WNT2B: variants seen among roughly 807,000 people sequenced by gnomAD.
WNT2B encodes the protein Wnt family member 2B, also known as protein Wnt-2b.
WNT2B carries 19 observed loss-of-function variants against 40.5 expected under a neutral mutation model. The ratio of observed to expected loss-of-function variants is 0.47; its 90% CI spans 0.33 to 0.69. WNT2B has a LOEUF of 0.69. Among genes scored for constraint, WNT2B ranks in the 30% least tolerant of loss-of-function variants. The probability of loss-of-function intolerance (pLI) is 0.02; values close to 1 mark genes in which losing one functional copy is unlikely to be tolerated. For missense variants in WNT2B, 467 were observed against 556.4 expected (o/e 0.84, Z 1.62); for synonymous variants, 220 against 211.9 (o/e 1.04, Z -0.33).
chr1:112,526,232 C>G lies in WNT2B; in HGVS notation c.*5723C>G, dbSNP rs769506323. On this transcript the variant is annotated 3_prime_UTR_variant, in exon 5 of 5. Transcript: ENST00000369684. ...CTAGGCCCTCCTGAACCTTATCAAC[C>G]AATGGCTCTTTTGCCATTTCTGCCA... is the stretch of plus-strand genomic sequence containing the variant. The G allele has an allele frequency of 8.0e-6, 11 of 1,378,222 alleles. No homozygotes were observed. The highest frequency in any genetic ancestry group is 4.2e-5 in the Admixed American group (2 of 47,134). 85.4% of individuals were successfully genotyped at this position (1,378,222 alleles called of 1,614,324 possible).
At chr1:112,484,260 TATATATATACAC>T (rs1313948806) in intron 1 of WNT2B, among the ~76,000 whole-genome samples, 2 of 70,878 alleles carry the variant, frequency 2.8e-5, no homozygotes, top group Admixed American at 2.1e-4. Context: ...TATATACACA[TATATATATACAC>T]ATATATATAT....
chr1:112,497,638 C>T (rs1476126512), intron 1 of WNT2B, among the ~76,000 whole-genome samples: 4 of 152,210 alleles, frequency 2.6e-5, no homozygotes, highest in African/African-American at 7.2e-5. Context: ...TTGATGAATA[C>T]CACCTGACTT....
chr1:112,503,379 A>C (rs1358011905), intron 1 of WNT2B, among the ~76,000 whole-genome samples: 1 of 151,754 alleles, frequency 6.6e-6, no homozygotes, highest in African/African-American at 2.4e-5. Flanking sequence ...GGGGGAAAAA[A>C]CCCTCAGGTT....
rs1429250784 is a variant in WNT2B at position 112,524,773 on chromosome 1, T to G, written c.*4264T>G. On this transcript the variant is annotated 3_prime_UTR_variant, in exon 5 of 5. Coordinates refer to ENST00000369684, the MANE Select transcript of WNT2B (RefSeq NM_024494.3). ...GAGGTTACACACACACACACAGAGG[T>G]GTACATATACAGACACATAGAGAAC... 1.3e-5 allele frequency: 2 copies of G among 151,814 alleles called. No homozygotes were observed. The highest frequency in any genetic ancestry group is 4.8e-5 in the African/African-American group (2 of 41,272). 9.4% of individuals were successfully genotyped at this position (151,814 alleles called of 1,614,324 possible).
intron 1 of WNT2B, among the ~76,000 whole-genome samples, chr1:112,503,290 T>G (rs1167699704): frequency 1.3e-5 from 2 of 152,148 alleles, no homozygotes; most frequent in African/African-American, 2.4e-5. Context: ...TCTACCCTAC[T>G]TGTTTCACCA....
chr1:112,484,816 G>A (rs958076497), intron 1 of WNT2B, among the ~76,000 whole-genome samples: 4 of 151,400 alleles, frequency 2.6e-5, no homozygotes, highest in Non-Finnish European at 4.4e-5. Flanking sequence ...ATTTATAATA[G>A]CATCAAAAAT....
chr1:112,500,213 A>G (rs972512033), intron 1 of WNT2B, among the ~76,000 whole-genome samples: 14 of 152,318 alleles, frequency 9.2e-5, no homozygotes, highest in African/African-American at 2.4e-4. Flanking sequence ...TGAATGTACA[A>G]TGGAGCTTTC....
intron 1 of WNT2B, among the ~76,000 whole-genome samples, chr1:112,501,844 A>G (rs1282154589): frequency 6.6e-6 from 1 of 152,232 alleles, no homozygotes; most frequent in African/African-American, 2.4e-5. Context: ...TGGTCTGGAC[A>G]GAAGCAAAGT....
intron 1 of WNT2B, among the ~76,000 whole-genome samples, chr1:112,468,641 G>T (rs767610189): frequency 4.0e-5 from 6 of 151,572 alleles, no homozygotes; most frequent in Non-Finnish European, 7.4e-5. Flanking sequence ...ATTTTAATGG[G>T]ATTATTATTA....
In WNT2B at chr1:112,495,387, T is replaced by C. The variant is rs190196166; in HGVS notation, c.-94-19487T>C. Among the ~76,000 whole-genome samples the C allele has an allele frequency of 9.2e-4, 139 of 151,766 alleles. 1 individual carries two copies. The highest frequency in any genetic ancestry group is 1.5e-3 in the Non-Finnish European group (104 of 67,898). On this transcript the variant is annotated intron_variant, in intron 1 of 4. Coordinates refer to the WNT2B transcript ENST00000256640. Reference sequence around the variant, plus strand: ...GTCAGGAGATCGAGACCATCCTGGCTAACATGGTGAAACCCCCGTCTCTAC... The same window carrying C: ...GTCAGGAGATCGAGACCATCCTGGCCAACATGGTGAAACCCCCGTCTCTAC...
chr1:112,528,823 G>A lies in WNT2B; in HGVS notation c.*8314G>A, dbSNP rs1653883357. 6.6e-6 allele frequency: 1 copy of A among 152,166 alleles called. No individual in the cohort carries two copies. The allele number at this position is 152,166 out of a possible 1,614,324, so 9.4% of individuals were successfully genotyped here. A position where few individuals can be genotyped will look rare whatever the true frequency, so the allele number is the denominator to read the frequency against. Reference sequence around the variant, plus strand: ...GATTTATCGTATCTGAGGCCATAGTGAATAGAAGAGCTGCAAAAGAGCTTT... The same window carrying A: ...GATTTATCGTATCTGAGGCCATAGTAAATAGAAGAGCTGCAAAAGAGCTTT... On this transcript the variant is annotated 3_prime_UTR_variant, in exon 5 of 5. Transcript: ENST00000369684.
chr1:112,512,120 A>G (rs190630478), intron 1 of WNT2B, among the ~76,000 whole-genome samples: 1 of 152,300 alleles, frequency 6.6e-6, no homozygotes, highest in East Asian at 1.9e-4. Context: ...TGTCTTTAAC[A>G]TACAAACATA....
At chr1:112,517,536 T>C in intron 4 of WNT2B, 151 bp downstream of exon 4, 1 of 1,076,180 alleles carries the variant, frequency 9.3e-7, no homozygotes, top group Non-Finnish European at 1.3e-6. Flanking sequence ...GGTCATGAGA[T>C]TGTTGCAGTC....
chr1:112,486,439 T>C (rs930686705), intron 1 of WNT2B, among the ~76,000 whole-genome samples: 14 of 151,956 alleles, frequency 9.2e-5, no homozygotes, highest in Non-Finnish European at 1.9e-4. Flanking sequence ...CCAGACCCTG[T>C]CTCAAAAACA....
rs1189711954 is a variant in WNT2B, at chr1:112,521,158, C to T, written c.*649C>T. On this transcript the variant is annotated 3_prime_UTR_variant, in exon 5 of 5. Transcript: ENST00000369684. ...CTCTTTTTCTCTCTACCATTCTCAA[C>T]CTGTATTGGACAGCACTGCCTCTTT... is the stretch of plus-strand genomic sequence containing the variant. 6.5e-6 allele frequency: 1 copy of T among 153,098 alleles called. No homozygotes were observed. Among genetic ancestry groups the T allele is most frequent in the Non-Finnish European group, 1.5e-5 (1 of 68,758 alleles). The allele number at this position is 153,098 out of a possible 1,614,324, so 9.5% of individuals were successfully genotyped here.
intron 1 of WNT2B, among the ~76,000 whole-genome samples, chr1:112,483,405 GAA>G (rs1651291869): frequency 1.3e-5 from 2 of 152,096 alleles, no homozygotes; most frequent in Non-Finnish European, 2.9e-5. Context: ...GATAGTGTTG[GAA>G]AAACTGGATA....
rs189910172 is a variant in WNT2B at position 112,514,602 on chromosome 1, C to A, written c.183-272C>A. 65 of 529,802 alleles carry A rather than the reference C, an allele frequency of 1.2e-4. 1 individual carries two copies. The highest frequency in any genetic ancestry group is 7.5e-5 in the Non-Finnish European group (22 of 292,226). The allele number at this position is 529,802 out of a possible 1,614,324, so 32.8% of individuals were successfully genotyped here. On this transcript the variant is annotated intron_variant, in intron 1 of 4. Coordinates refer to ENST00000369684, the MANE Select transcript of WNT2B (RefSeq NM_024494.3). ...TCTGTGTATGTGACACATGCCTAGC[C>A]TGTGTTCTGGGAGTGTATGTCACTT...
chr1:112,506,089 C>G (rs945875981), upstream of WNT2B, among the ~76,000 whole-genome samples: 1 of 152,174 alleles, frequency 6.6e-6, no homozygotes, highest in Non-Finnish European at 1.5e-5. Context: ...TCACTGCAGC[C>G]TTGACTTCCT....
Position 112,516,127 on chromosome 1 carries a change from A to G in WNT2B, c.404-13A>G, listed in dbSNP as rs369047643. 80 of 1,604,334 alleles carry G rather than the reference A, an allele frequency of 5.0e-5. No homozygotes were observed. Among genetic ancestry groups the G allele is most frequent in the African/African-American group, 6.7e-5 (5 of 74,766 alleles). On this transcript the variant is annotated splice_polypyrimidine_tract_variant and intron_variant, in intron 2 of 4. Coordinates refer to ENST00000369684, the MANE Select transcript of WNT2B (RefSeq NM_024494.3). ...CTCTTTCCTGAAGCACACCTCTACAATTCTCTCTCTAGGTAGCCGAGAGGC... is the reference window on the plus strand; with the variant it reads ...CTCTTTCCTGAAGCACACCTCTACAGTTCTCTCTCTAGGTAGCCGAGAGGC...
Sources: gnomAD v4.1 joint callset for allele counts (sites outside exome capture counted in the v4.1 genomes callset) on GRCh38, gnomAD v4.1.1 for gene constraint, MANE v1.5 for transcripts, NCBI Gene and HGNC (gene_info 2026-07-23, HGNC 2026-07-21) for gene names.